Variants in EIF3D observed in about 807,000 individuals in gnomAD.
The protein encoded by EIF3D is eukaryotic translation initiation factor 3 subunit D.
In EIF3D, 10 loss-of-function variants were observed where a neutral mutation model predicts 75.4. That is an observed-to-expected ratio of 0.13 (90% CI 0.08 to 0.22). The LOEUF (loss-of-function observed/expected upper bound fraction) is 0.22, where lower values mean the gene tolerates loss of function less well. Ranked by LOEUF, EIF3D falls within the 10% of genes least tolerant of loss-of-function variation. The pLI, the probability that EIF3D is intolerant of heterozygous loss-of-function variation, is 1.00. For missense variants in EIF3D, 394 were observed against 708.0 expected, an observed-to-expected ratio of 0.56 and a Z score of 5.03; for synonymous variants, 246 against 248.3, an observed-to-expected ratio of 0.99 and a Z score of 0.09.
chr22:36,523,840 C>A, intron 5 of EIF3D, 55 bp downstream of exon 5: 1 of 1,546,104 alleles, frequency 6.5e-7, no homozygotes, highest in Non-Finnish European at 8.9e-7. Context: ...CCTGTGGTTT[C>A]CAAATACGGC....
chr22:36,524,508 C>CCT lies in EIF3D; in HGVS notation c.306+87_306+88insAG. ...AGACCTATAATATGCTTCCCTCTCT[C>CCT]ATTAGGAGTCACAAGGTAGCATTTT... On this transcript the variant is annotated intron_variant, in intron 4 of 14. Coordinates refer to ENST00000216190, the MANE Select transcript of EIF3D (RefSeq NM_003753.4). The CCT allele has an allele frequency of 4.4e-6, 7 of 1,577,466 alleles. No homozygotes were observed. The South Asian group carries it at 7.9e-5, about 18-fold the overall frequency.
At chr22:36,517,934 G>T (rs951163448) in intron 9 of EIF3D, among the ~76,000 whole-genome samples, 2 of 151,926 alleles carry the variant, frequency 1.3e-5, no homozygotes, top group Non-Finnish European at 1.5e-5. Context: ...TTTTAGTAGA[G>T]ACTGGGTTTC....
chr22:36,512,698 G>A, intron 12 of EIF3D, 96 bp from the exon 13 acceptor site: 1 of 1,438,866 alleles, frequency 6.9e-7, no homozygotes, highest in Non-Finnish European at 9.3e-7. Context: ...TAGTCTGCTT[G>A]CTTAGAAAGT....
chr22:36,516,905 T>C (rs1035708100), intron 10 of EIF3D, 115 bp from the exon 11 acceptor site: 42 of 939,506 alleles, frequency 4.5e-5, no homozygotes, highest in Non-Finnish European at 6.0e-5. Flanking sequence ...CCTGGGGCCC[T>C]TGATGGGGCT....
At chr22:36,518,391 A>G (rs1481065687) in intron 9 of EIF3D, among the ~76,000 whole-genome samples, 1 of 151,844 alleles carries the variant, frequency 6.6e-6, no homozygotes, top group Non-Finnish European at 1.5e-5. Flanking sequence ...CGGGAGGCTG[A>G]GGCAGAAGAA....
chr22:36,517,896 C>T (rs1359014407), intron 9 of EIF3D, among the ~76,000 whole-genome samples: 1 of 151,860 alleles, frequency 6.6e-6, no homozygotes, highest in Non-Finnish European at 1.5e-5. Flanking sequence ...TACATGTGTC[C>T]ACCACCACAC....
chr22:36,517,559 G>C, intron 9 of EIF3D, 128 bp from the exon 10 acceptor site: 1 of 1,156,782 alleles, frequency 8.6e-7, no homozygotes, highest in Non-Finnish European at 1.2e-6. Flanking sequence ...CTCTCCTAAA[G>C]TGGGTCTCCC....
Position 36,510,982 on chromosome 22 carries a change from C to G in EIF3D, c.*5G>C. On this transcript the variant is annotated 3_prime_UTR_variant, in exon 15 of 15. Coordinates refer to ENST00000216190, the MANE Select transcript of EIF3D (RefSeq NM_003753.4). ...AAGGACAAACTCCAGCTCCACATCA[C>G]TGGTTTAAGTTTCTTCCTCTGAAAG... 5 of 1,608,064 alleles carry G rather than the reference C, an allele frequency of 3.1e-6. No homozygotes were observed. Among genetic ancestry groups the G allele is most frequent in the Non-Finnish European group, 3.4e-6 (4 of 1,178,064 alleles).
chr22:36,522,101 C>A (rs1022324297), intron 6 of EIF3D, among the ~76,000 whole-genome samples: 1 of 152,108 alleles, frequency 6.6e-6, no homozygotes, highest in Non-Finnish European at 1.5e-5. Context: ...TGGCTGTAAC[C>A]CCAGCACTTT....
chr22:36,511,491 G>A lies in EIF3D; in HGVS notation c.1633+12C>T. The A allele has an allele frequency of 6.2e-7, 1 of 1,613,476 alleles. No homozygotes were observed. The highest frequency in any genetic ancestry group is 2.2e-5 in the East Asian group (1 of 44,882). On this transcript the variant is annotated intron_variant, in intron 14 of 14. Coordinates refer to ENST00000216190, the MANE Select transcript of EIF3D (RefSeq NM_003753.4). Reference sequence around the variant, plus strand: ...GATCACTCTAGACCTCAGAAAGTGGGCTGCTACACACCTTCTTCTTCCTCT... The same window carrying A: ...GATCACTCTAGACCTCAGAAAGTGGACTGCTACACACCTTCTTCTTCCTCT...
chr22:36,516,629 T>C (rs772285279), intron 11 of EIF3D, 22 bp from the exon 12 acceptor site: 6 of 1,613,792 alleles, frequency 3.7e-6, no homozygotes, highest in Non-Finnish European at 3.4e-6. Context: ...AAGAAACTCA[T>C]GTGGTCACTG....
chr22:36,526,613 CT>C (rs542035473), intron 1 of EIF3D, among the ~76,000 whole-genome samples: 177 of 145,376 alleles, frequency 1.2e-3, no homozygotes, highest in Middle Eastern at 3.6e-3. Flanking sequence ...TTCTTTCTTT[CT>C]TTTTTTTTTT....
chr22:36,510,907 A>G lies in EIF3D; in HGVS notation c.*80T>C, dbSNP rs200074628. ...TTCATCTGCTAAATGTCAGAGAGCA[A>G]GTTAGACACACATTCCACTAAGCAT... is the stretch of plus-strand genomic sequence containing the variant. On this transcript the variant is annotated 3_prime_UTR_variant, in exon 15 of 15. Transcript: ENST00000216190. 8 of 1,484,172 alleles carry G rather than the reference A, an allele frequency of 5.4e-6. No homozygotes were observed. The highest frequency in any genetic ancestry group is 7.3e-6 in the Non-Finnish European group (8 of 1,102,980). 91.9% of individuals were successfully genotyped at this position (1,484,172 alleles called of 1,614,324 possible).
intron 1 of EIF3D, among the ~76,000 whole-genome samples, chr22:36,528,282 A>G (rs1269448415): frequency 6.6e-6 from 1 of 152,144 alleles, no homozygotes; most frequent in Non-Finnish European, 1.5e-5. Context: ...CGTACATCAT[A>G]ATACCAAGAC....
At chr22:36,520,341 A>G (rs1178145692) in intron 7 of EIF3D, among the ~76,000 whole-genome samples, 1 of 152,100 alleles carries the variant, frequency 6.6e-6, no homozygotes, top group Admixed American at 6.5e-5. Context: ...TATTTTTAGT[A>G]GAGACTGGGT....
At position 36,518,743 on chromosome 22, in the gene EIF3D, T is replaced by TC; in HGVS notation, c.859+19dup. ...AAAATACTCAATGCCTTTGAGTTGC[T>TC]CCCCAGGCACGCTTCTTACCAAAGT... On this transcript the variant is annotated intron_variant, in intron 9 of 14. Coordinates refer to ENST00000216190, the MANE Select transcript of EIF3D (RefSeq NM_003753.4). 1 of 1,613,380 alleles carries TC rather than the reference T, an allele frequency of 6.2e-7. No homozygotes were observed. The highest frequency in any genetic ancestry group is 8.5e-7 in the Non-Finnish European group (1 of 1,179,900).
chr22:36,524,134 G>C (rs1005128577), intron 4 of EIF3D, among the ~76,000 whole-genome samples, 154 bp from the exon 5 acceptor site: 7 of 151,976 alleles, frequency 4.6e-5, no homozygotes, highest in Admixed American at 1.3e-4. Flanking sequence ...CAACAGCTTG[G>C]GGGTGTTAGG....
At chr22:36,523,840 C>T (rs1934553714) in intron 5 of EIF3D, 55 bp downstream of exon 5, 1 of 1,546,104 alleles carries the variant, frequency 6.5e-7, no homozygotes, top group Non-Finnish European at 8.9e-7. Flanking sequence ...CCTGTGGTTT[C>T]CAAATACGGC....
chr22:36,511,473 C>G (rs368209899), intron 14 of EIF3D, 30 bp downstream of exon 14: 2 of 1,612,356 alleles, frequency 1.2e-6, no homozygotes, highest in Non-Finnish European at 1.7e-6. Context: ...ACAGATCACT[C>G]TAGACCTCAG....
Sources: allele counts gnomAD v4.1 joint callset (sites outside exome capture counted in the v4.1 genomes callset), GRCh38; gene constraint gnomAD v4.1.1; transcripts MANE v1.5; gene names NCBI Gene and HGNC (gene_info 2026-07-23, HGNC 2026-07-21).